The following USH2A variants were observed in gnomAD, a reference collection of about 807,000 sequenced individuals.
The protein encoded by USH2A is Usher syndrome 2A (autosomal recessive, mild).
Under a neutral mutation model 538.9 loss-of-function variants are expected in USH2A, and 443 were observed. The ratio of observed to expected loss-of-function variants is 0.82; its 90% confidence interval spans 0.76 to 0.89. USH2A has a LOEUF of 0.89. Ranked by LOEUF, USH2A falls within the 40% of genes least tolerant of loss-of-function variation. The probability of loss-of-function intolerance (pLI) is 0.00; values close to 1 mark genes in which losing one functional copy is unlikely to be tolerated. For synonymous variants in USH2A, 2,413 were observed against 2,273.5 expected (o/e 1.06, Z -1.75); for missense variants, 6,633 against 6,324.8 (o/e 1.05, Z -1.65).
intron 20 of USH2A, among the ~76,000 whole-genome samples, chr1:216,178,210 T>A (rs552760444): frequency 1.3e-5 from 2 of 152,220 alleles, no homozygotes; most frequent in Admixed American, 6.5e-5. Flanking sequence ...GTTAGAAGGA[T>A]AATTAACAAT....
intron 30 of USH2A, among the ~76,000 whole-genome samples, chr1:216,069,116 T>C (rs1356563364): frequency 2.6e-5 from 4 of 152,168 alleles, no homozygotes; most frequent in Non-Finnish European, 4.4e-5. Flanking sequence ...TGAGCATTTT[T>C]AGCAATAAAC....
In USH2A at chr1:216,289,343, A is replaced by T. The variant is rs2036952698; in HGVS notation, c.1908T>A (p.Asp636Glu). Reference protein sequence around the residue: ...RQVGADPSAIDVCKPCDCDTV... With the variant: ...RQVGADPSAIEVCKPCDCDTV... ...TATCACAGTCACAGGGTTTGCAAACATCTATGGCCGAAGGATCTGCACCAA... is the reference window on the plus strand; with the variant it reads ...TATCACAGTCACAGGGTTTGCAAACTTCTATGGCCGAAGGATCTGCACCAA... The change falls in exon 11 of 72, where the codon GAT becomes GAA. Residue 636 changes from aspartate to glutamate, a missense_variant. Transcript: ENST00000307340. The T allele has an allele frequency of 3.1e-6, 5 of 1,614,006 alleles. No individual in the cohort carries two copies. Among genetic ancestry groups the T allele is most frequent in the Middle Eastern group, 1.6e-4 (1 of 6,062 alleles).
intron 21 of USH2A, among the ~76,000 whole-genome samples, chr1:216,122,691 T>C (rs569027770): frequency 7.2e-5 from 11 of 152,262 alleles, no homozygotes; most frequent in Admixed American, 2.0e-4. Flanking sequence ...TTCTGCAAGA[T>C]TGAGTTTCTG....
intron 55 of USH2A, among the ~76,000 whole-genome samples, chr1:215,779,173 G>A (rs1168177524): frequency 6.6e-6 from 1 of 152,172 alleles, no homozygotes; most frequent in Non-Finnish European, 1.5e-5. Context: ...GTGGTGGTGT[G>A]TTAGAGAACC....
At position 215,790,097 on chromosome 1, in the gene USH2A, C is replaced by G. The variant is rs995922164; in HGVS notation, c.10144G>C (p.Val3382Leu). 6.2e-7 allele frequency: 1 copy of G among 1,613,302 alleles called. No individual in the cohort carries two copies. The highest frequency in any genetic ancestry group is 1.3e-5 in the African/African-American group (1 of 74,730). ...NGVGYNPLKYVCSDKISTGMM... is the reference protein window; with the variant it reads ...NGVGYNPLKYLCSDKISTGMM... ...CCAGTTGAAATCTTGTCAGAGCAAA[C>G]ATATTTCAAAGGATTATATCCAACT... Residue 3382 changes from valine (V) to leucine (L), a missense_variant, in exon 51 of 72, where the codon GTT becomes CTT. Coordinates refer to ENST00000307340, the MANE Select transcript of USH2A (RefSeq NM_206933.4).
intron 4 of USH2A, among the ~76,000 whole-genome samples, chr1:216,359,766 G>A (rs2038455846): frequency 2.0e-5 from 3 of 151,944 alleles, no homozygotes; most frequent in Non-Finnish European, 4.4e-5. Flanking sequence ...ATAATAATGA[G>A]TTTGGCAAGG....
chr1:216,257,780 C>T (rs985589131), intron 11 of USH2A, among the ~76,000 whole-genome samples: 1 of 151,960 alleles, frequency 6.6e-6, no homozygotes, highest in Non-Finnish European at 1.5e-5. Flanking sequence ...GGTTATATTG[C>T]TATGACTTCA....
chr1:216,083,061 G>A (rs771223009), intron 26 of USH2A, among the ~76,000 whole-genome samples: 1 of 151,862 alleles, frequency 6.6e-6, no homozygotes, highest in Non-Finnish European at 1.5e-5. Context: ...CGTGGTGGTA[G>A]GTCCAGGAGT....
At position 216,226,941 on chromosome 1, in the gene USH2A, C is replaced by A. The variant is rs978225622; in HGVS notation, c.2993+5012G>T. Among the ~76,000 whole-genome samples the A allele has an allele frequency of 2.6e-5, 4 of 152,110 alleles. No individual in the cohort carries two copies. In the East Asian group the frequency reaches 7.7e-4, roughly 29 times the overall value. ...ACTGTCTCTTCTCAGTTAGATTTGCCAGGTCTAAGATAGATATCAATGCAC... is the reference window on the plus strand; with the variant it reads ...ACTGTCTCTTCTCAGTTAGATTTGCAAGGTCTAAGATAGATATCAATGCAC... On this transcript the variant is annotated intron_variant, in intron 14 of 71. Coordinates refer to ENST00000307340, the MANE Select transcript of USH2A (RefSeq NM_206933.4).
intron 8 of USH2A, among the ~76,000 whole-genome samples, 196 bp downstream of exon 8, chr1:216,323,278 A>T (rs1302319748): frequency 0.019 from 576 of 30,196 alleles, 1 homozygote; most frequent in Middle Eastern, 0.071. Context: ...AATACGTTTT[A>T]TATATATATA....
chr1:215,869,204 A>G (rs1664561075), intron 43 of USH2A, among the ~76,000 whole-genome samples: 1 of 152,224 alleles, frequency 6.6e-6, no homozygotes, highest in Non-Finnish European at 1.5e-5. Flanking sequence ...TAACTTGTCC[A>G]AGTCATTGAG....
Position 215,965,495 on chromosome 1 carries a change from G to C in USH2A, c.6958-16C>G. On this transcript the variant is annotated splice_polypyrimidine_tract_variant and intron_variant, in intron 36 of 71. Coordinates refer to ENST00000307340, the MANE Select transcript of USH2A (RefSeq NM_206933.4). ...GATTTTCCACCTGTGAGTATAAAAAGATTTATTTTTGTTTGCAAATAAAAT... is the reference window on the plus strand; with the variant it reads ...GATTTTCCACCTGTGAGTATAAAAACATTTATTTTTGTTTGCAAATAAAAT... 6.2e-7 allele frequency: 1 copy of C among 1,612,860 alleles called. No homozygotes were observed. Among genetic ancestry groups the C allele is most frequent in the Non-Finnish European group, 8.5e-7 (1 of 1,179,370 alleles).
At chr1:216,235,547 T>C (rs2035792967) in intron 13 of USH2A, among the ~76,000 whole-genome samples, 1 of 152,158 alleles carries the variant, frequency 6.6e-6, no homozygotes, top group African/African-American at 2.4e-5. Context: ...ACCCATATTG[T>C]AAAATAGTGT....
intron 38 of USH2A, among the ~76,000 whole-genome samples, chr1:215,913,963 C>G (rs1358751739): frequency 6.7e-6 from 1 of 150,196 alleles, no homozygotes; most frequent in Non-Finnish European, 1.5e-5. Context: ...TTTTTAAAAA[C>G]ATTTAATATA....
chr1:216,144,824 G>C (rs1178081709), intron 21 of USH2A, among the ~76,000 whole-genome samples: 1 of 152,044 alleles, frequency 6.6e-6, no homozygotes, highest in Non-Finnish European at 1.5e-5. Context: ...CCTAGGGTCT[G>C]TCCCTAACCC....
intron 21 of USH2A, among the ~76,000 whole-genome samples, chr1:216,140,749 A>G (rs1427609041): frequency 6.6e-6 from 1 of 152,032 alleles, no homozygotes; most frequent in East Asian, 1.9e-4. Flanking sequence ...CAAAACAGGT[A>G]CATTTTCTCT....
intron 19 of USH2A, among the ~76,000 whole-genome samples, chr1:216,191,400 G>A (rs1197534308): frequency 6.6e-6 from 1 of 151,850 alleles, no homozygotes; most frequent in Non-Finnish European, 1.5e-5. Context: ...AATTTCGTAA[G>A]TTACATGAGT....
chr1:215,638,091 A>T (rs1452435282), intron 69 of USH2A, among the ~76,000 whole-genome samples: 1 of 152,314 alleles, frequency 6.6e-6, no homozygotes, highest in South Asian at 2.1e-4. Context: ...AATAAAAGAC[A>T]CTTTCCAAAT....
rs750969457 is a variant in USH2A at position 216,073,326 on chromosome 1, C to T, written c.5573-26G>A. 43 of 1,528,502 alleles carry T rather than the reference C, an allele frequency of 2.8e-5. 1 individual carries two copies. The highest frequency in any genetic ancestry group is 2.7e-4 in the South Asian group (24 of 87,538). 94.7% of individuals were successfully genotyped at this position (1,528,502 alleles called of 1,614,324 possible). A position where few individuals can be genotyped will look rare whatever the true frequency, so the allele number is the denominator to read the frequency against. On this transcript the variant is annotated intron_variant, in intron 27 of 71. Transcript: ENST00000307340. Reference sequence around the variant, plus strand: ...CTAGCAAATAGTAAGGGATTAGTATCGCATAAAGGGCTTGAGTCATTAATT... The same window carrying T: ...CTAGCAAATAGTAAGGGATTAGTATTGCATAAAGGGCTTGAGTCATTAATT...
Sources: gnomAD v4.1 joint callset for allele counts (sites outside exome capture counted in the v4.1 genomes callset) on GRCh38, gnomAD v4.1.1 for gene constraint, MANE v1.5 for transcripts, NCBI Gene and HGNC (gene_info 2026-07-23, HGNC 2026-07-21) for gene names.